COL25A1: variants seen among roughly 807,000 people sequenced by gnomAD.
COL25A1 encodes the protein collagen alpha-1(XXV) chain.
COL25A1 carries 103 observed loss-of-function variants against 128.4 expected under a neutral mutation model. That is an observed-to-expected ratio of 0.80 (90% CI 0.68 to 0.94). The LOEUF is 0.94. COL25A1 is among the 40% of genes least tolerant of loss of function. COL25A1 has a pLI of 0.00. For missense variants in COL25A1, 745 were observed against 840.0 expected, an observed-to-expected ratio of 0.89 and a Z score of 1.40; for synonymous variants, 279 against 277.2, an observed-to-expected ratio of 1.01 and a Z score of -0.06.
At chr4:109,197,363 AATATATAAT>A (rs1207599345) in intron 3 of COL25A1, among the ~76,000 whole-genome samples, 4 of 129,050 alleles carry the variant, frequency 3.1e-5, no homozygotes, top group Admixed American at 9.6e-5. Context: ...TATATATAAA[AATATATAAT>A]ATATATAATA....
chr4:109,215,610 G>A (rs1297352193), intron 3 of COL25A1, among the ~76,000 whole-genome samples: 1 of 152,128 alleles, frequency 6.6e-6, no homozygotes, highest in East Asian at 1.9e-4. Context: ...AAAGATGTAA[G>A]TAAAGTCAAA....
At chr4:109,116,796 A>G (rs1767615089) in intron 3 of COL25A1, among the ~76,000 whole-genome samples, 1 of 152,042 alleles carries the variant, frequency 6.6e-6, no homozygotes, top group East Asian at 1.9e-4. Context: ...ATGTAAGCAA[A>G]GAGACAGAAA....
At chr4:109,154,844 C>T (rs1344931276) in intron 3 of COL25A1, among the ~76,000 whole-genome samples, 6 of 152,108 alleles carry the variant, frequency 3.9e-5, no homozygotes, top group Admixed American at 1.3e-4. Context: ...GATTTCAATC[C>T]GAAGCAATCC....
chr4:109,241,589 C>T (rs1283385081), intron 3 of COL25A1, among the ~76,000 whole-genome samples: 2 of 145,676 alleles, frequency 1.4e-5, no homozygotes, highest in Non-Finnish European at 3.0e-5. Context: ...GGAAACAAGT[C>T]ATGTGCTAAG....
chr4:109,162,615 G>A (rs957197436), intron 3 of COL25A1, among the ~76,000 whole-genome samples: 8 of 152,164 alleles, frequency 5.3e-5, no homozygotes, highest in Non-Finnish European at 1.0e-4. Flanking sequence ...TAGAGTCAAC[G>A]AGAGCACTTT....
At position 109,302,316 on chromosome 4, in the gene COL25A1, C is replaced by T. The variant is rs1199751279; in HGVS notation, c.-204G>A. 2.6e-6 allele frequency: 1 copy of T among 380,592 alleles called. No homozygotes were observed. Among genetic ancestry groups the T allele is most frequent in the Non-Finnish European group, 4.7e-6 (1 of 212,356 alleles). 23.6% of individuals were successfully genotyped at this position (380,592 alleles called of 1,614,324 possible). ...GACGAAACCCACCCAGACAGCTCTTCCGACTCCCAGAGGACCGACACCTCT... is the reference window on the plus strand; with the variant it reads ...GACGAAACCCACCCAGACAGCTCTTTCGACTCCCAGAGGACCGACACCTCT... On this transcript the variant is annotated 5_prime_UTR_variant, in exon 1 of 38. Transcript: ENST00000399132.
intron 13 of COL25A1, among the ~76,000 whole-genome samples, chr4:108,914,524 G>A (rs1744633378): frequency 6.6e-6 from 1 of 152,088 alleles, no homozygotes; most frequent in African/African-American, 2.4e-5. Context: ...GGGTCAGGGA[G>A]ACAGCCAGGG....
At chr4:109,112,614 A>C (rs1356267110) in intron 3 of COL25A1, among the ~76,000 whole-genome samples, 2 of 152,126 alleles carry the variant, frequency 1.3e-5, no homozygotes, top group Non-Finnish European at 2.9e-5. Flanking sequence ...AGTAAAACTA[A>C]TATGCACATA....
At chr4:108,905,431 G>A (rs1338539766) in intron 13 of COL25A1, among the ~76,000 whole-genome samples, 1 of 150,756 alleles carries the variant, frequency 6.6e-6, no homozygotes, top group Non-Finnish European at 1.5e-5. Flanking sequence ...AAAAATAGTG[G>A]GTGCAGCACA....
intron 5 of COL25A1, among the ~76,000 whole-genome samples, chr4:109,030,208 T>G (rs976344529): frequency 6.6e-6 from 1 of 152,118 alleles, no homozygotes; most frequent in Non-Finnish European, 1.5e-5. Context: ...GTCAACAAGA[T>G]AGGCTATGAA....
intron 26 of COL25A1, among the ~76,000 whole-genome samples, chr4:108,851,744 G>A (rs1735800699): frequency 6.6e-6 from 1 of 152,116 alleles, no homozygotes; most frequent in Non-Finnish European, 1.5e-5. Flanking sequence ...CAAAATGTCT[G>A]AAAGTATATA....
At chr4:108,948,165 A>G (rs1748995807) in intron 8 of COL25A1, among the ~76,000 whole-genome samples, 1 of 152,250 alleles carries the variant, frequency 6.6e-6, no homozygotes, top group African/African-American at 2.4e-5. Flanking sequence ...TCAGTTTAGC[A>G]GAAACTGCTA....
At chr4:108,953,382 T>C (rs1749686365) in intron 8 of COL25A1, among the ~76,000 whole-genome samples, 1 of 152,206 alleles carries the variant, frequency 6.6e-6, no homozygotes, top group Non-Finnish European at 1.5e-5. Flanking sequence ...CTTGAGGACA[T>C]CCCTGAACTC....
chr4:109,157,659 T>A (rs888268742), intron 3 of COL25A1, among the ~76,000 whole-genome samples: 1 of 152,212 alleles, frequency 6.6e-6, no homozygotes, highest in Non-Finnish European at 1.5e-5. Flanking sequence ...AATTTAAAGG[T>A]TGGCACAGTT....
At chr4:108,842,323 A>G (rs1286195027) in intron 30 of COL25A1, among the ~76,000 whole-genome samples, 1 of 152,232 alleles carries the variant, frequency 6.6e-6, no homozygotes, top group East Asian at 1.9e-4. Flanking sequence ...TTTTACAAAA[A>G]CAAATTCCTC....
intron 3 of COL25A1, among the ~76,000 whole-genome samples, chr4:109,119,092 A>G (rs1767877808): frequency 6.6e-6 from 1 of 152,060 alleles, no homozygotes; most frequent in African/African-American, 2.4e-5. Flanking sequence ...AGATTAAACA[A>G]TATACTTCTA....
At chr4:108,886,758 A>C (rs1740879593) in intron 18 of COL25A1, among the ~76,000 whole-genome samples, 1 of 152,108 alleles carries the variant, frequency 6.6e-6, no homozygotes, top group Non-Finnish European at 1.5e-5. Flanking sequence ...TCAAAAGTGT[A>C]ACATATCTGT....
intron 3 of COL25A1, among the ~76,000 whole-genome samples, chr4:109,097,284 A>T (rs757543459): frequency 3.6e-4 from 55 of 152,120 alleles, no homozygotes; most frequent in Non-Finnish European, 4.9e-4. Flanking sequence ...TTTGTTTAAC[A>T]CTTACAAGTG....
intron 3 of COL25A1, among the ~76,000 whole-genome samples, chr4:109,200,534 T>C (rs1202059724): frequency 6.6e-6 from 1 of 152,212 alleles, no homozygotes; most frequent in Non-Finnish European, 1.5e-5. Context: ...TTTGGTTCTC[T>C]GCAACCTCCG....
Sources: gnomAD v4.1 joint callset for allele counts (sites outside exome capture counted in the v4.1 genomes callset) on GRCh38, gnomAD v4.1.1 for gene constraint, MANE v1.5 for transcripts, NCBI Gene and HGNC (gene_info 2026-07-23, HGNC 2026-07-21) for gene names.